Variants in NUP210L observed in about 807,000 individuals in gnomAD.
NUP210L encodes nucleoporin 210 like.
NUP210L carries 74 observed loss-of-function variants against 208.5 expected under a neutral mutation model. The ratio of observed to expected loss-of-function variants is 0.35; its 90% confidence interval spans 0.29 to 0.43. NUP210L has a LOEUF of 0.43. Among genes scored for constraint, NUP210L ranks in the 20% least tolerant of loss-of-function variants. The probability of loss-of-function intolerance (pLI) is 1.00; values close to 1 mark genes in which losing one functional copy is unlikely to be tolerated. For missense variants in NUP210L, 1,843 were observed against 2,289.4 expected (o/e 0.81, Z 3.98); for synonymous variants, 780 against 816.9 (o/e 0.95, Z 0.77).
At chr1:154,131,603 C>T (rs1345160985) in intron 7 of NUP210L, among the ~76,000 whole-genome samples, 1 of 151,634 alleles carries the variant, frequency 6.6e-6, no homozygotes, top group African/African-American at 2.4e-5. Flanking sequence ...CTTTTTCAAA[C>T]TTATTTGTTT....
intron 16 of NUP210L, among the ~76,000 whole-genome samples, chr1:154,087,292 C>G (rs1005414349): frequency 6.9e-6 from 1 of 145,530 alleles, no homozygotes; most frequent in Non-Finnish European, 1.5e-5. Flanking sequence ...TTCACTCCAG[C>G]CTGGGCGAAA....
Position 154,018,456 on chromosome 1 carries a change from C to A in NUP210L, c.4653+477G>T, listed in dbSNP as rs1025251106. Among the ~76,000 whole-genome samples the A allele has an allele frequency of 2.6e-5, 4 of 152,148 alleles. No individual in the cohort carries two copies. The South Asian group carries it at 8.3e-4, about 31-fold the overall frequency. On this transcript the variant is annotated intron_variant, in intron 33 of 39. Coordinates refer to ENST00000368559, the Ensembl canonical transcript of NUP210L. ...CAAGACTGTTCCACCTACAGTCTTC[C>A]CCATTTCAGTTGACGGTAATGCTGT...
chr1:154,108,778 A>G (rs1398204634), intron 12 of NUP210L, among the ~76,000 whole-genome samples: 1 of 151,718 alleles, frequency 6.6e-6, no homozygotes. Flanking sequence ...AAACTCTCCA[A>G]TCAAAAAAGA....
chr1:154,074,950 G>A (rs1398440873), intron 16 of NUP210L, among the ~76,000 whole-genome samples: 1 of 152,132 alleles, frequency 6.6e-6, no homozygotes, highest in Non-Finnish European at 1.5e-5. Context: ...TCAACCCTCT[G>A]CCATTATTTT....
intron 16 of NUP210L, among the ~76,000 whole-genome samples, chr1:154,071,659 A>G (rs1173024473): frequency 9.2e-6 from 1 of 108,854 alleles, no homozygotes; most frequent in Non-Finnish European, 1.7e-5. Flanking sequence ...TTTTTGAGAT[A>G]GAGTCTTGCT....
At chr1:154,088,168 T>C (rs879626101) in intron 16 of NUP210L, among the ~76,000 whole-genome samples, 33 of 151,978 alleles carry the variant, frequency 2.2e-4, no homozygotes, top group Admixed American at 6.6e-4. Context: ...CAAAACCCCA[T>C]CTCTACTAAA....
chr1:154,133,817 C>G (rs1658377003), intron 7 of NUP210L, among the ~76,000 whole-genome samples: 1 of 151,894 alleles, frequency 6.6e-6, no homozygotes, highest in Non-Finnish European at 1.5e-5. Context: ...CACTGCACTC[C>G]AGCCTGGGCA....
intron 37 of NUP210L, among the ~76,000 whole-genome samples, chr1:153,996,246 C>A (rs1205507992): frequency 6.6e-6 from 1 of 151,704 alleles, no homozygotes; most frequent in Non-Finnish European, 1.5e-5. Context: ...GAACCGAGAT[C>A]TCTCCACTGC....
At chr1:154,044,907 G>A (rs1022604687) in intron 27 of NUP210L, among the ~76,000 whole-genome samples, 1 of 151,978 alleles carries the variant, frequency 6.6e-6, no homozygotes, top group Non-Finnish European at 1.5e-5. Flanking sequence ...TCAGGTTTCA[G>A]TGTGAGGTTT....
chr1:154,129,905 A>G (rs1260243553), intron 7 of NUP210L, among the ~76,000 whole-genome samples: 2 of 152,212 alleles, frequency 1.3e-5, no homozygotes, highest in Non-Finnish European at 2.9e-5. Context: ...ACCTCATTCT[A>G]CCACTACCAT....
At chr1:154,050,085 G>A (rs1177967403) in intron 25 of NUP210L, among the ~76,000 whole-genome samples, 8 of 151,854 alleles carry the variant, frequency 5.3e-5, no homozygotes, top group African/African-American at 7.3e-5. Flanking sequence ...TACAAAATTC[G>A]ATTTCTTGCA....
At chr1:154,030,466 T>C (rs1486557089) in intron 27 of NUP210L, among the ~76,000 whole-genome samples, 2 of 151,902 alleles carry the variant, frequency 1.3e-5, no homozygotes, top group African/African-American at 4.8e-5. Flanking sequence ...CTCAGCTAAT[T>C]TTTGTCTTTT....
At chr1:154,122,353 G>T (rs2148107829) in intron 10 of NUP210L, among the ~76,000 whole-genome samples, 1 of 152,174 alleles carries the variant, frequency 6.6e-6, no homozygotes, top group East Asian at 1.9e-4. Flanking sequence ...CATTAGGATG[G>T]CTATTATTTA....
At chr1:154,155,073 C>T (rs114697636) in exon 1 of NUP210L, 2 of 1,528,066 alleles carry the variant, frequency 1.3e-6, no homozygotes, top group Non-Finnish European at 1.8e-6. Flanking sequence ...GGTTCCCGCT[C>T]AACTACAGCC....
At chr1:154,121,985 G>C (rs1051131141) in intron 10 of NUP210L, among the ~76,000 whole-genome samples, 1 of 151,826 alleles carries the variant, frequency 6.6e-6, no homozygotes, top group Admixed American at 6.6e-5. Flanking sequence ...ATAGAGAAAA[G>C]TCAATGAAAC....
chr1:154,022,187 G>A, exon 32 of NUP210L: 1 of 1,614,128 alleles, frequency 6.2e-7, no homozygotes, highest in South Asian at 1.1e-5. Context: ...TAAGCTTGGT[G>A]TCTGGCTCAA....
intron 17 of NUP210L, among the ~76,000 whole-genome samples, chr1:154,067,751 A>C (rs1355138530): frequency 6.6e-6 from 1 of 152,248 alleles, no homozygotes; most frequent in African/African-American, 2.4e-5. Context: ...GCAAAGTCTC[A>C]GGATATAAAA....
rs1298808572 is a variant in NUP210L at position 154,136,724 on chromosome 1, G to C, written c.851-752C>G. Among the ~76,000 whole-genome samples the C allele has an allele frequency of 2.0e-5, 3 of 151,688 alleles. No homozygotes were observed. The East Asian group carries it at 5.9e-4, about 30-fold the overall frequency. The stretch of plus-strand genomic sequence containing the variant: ...CCACGAGGTCAGGAGTTCGAGACCA[G>C]CCTGGGCAACATGGTGAAACCCCAT... On this transcript the variant is annotated intron_variant, in intron 6 of 39. Coordinates refer to ENST00000368559, the Ensembl canonical transcript of NUP210L.
exon 31 of NUP210L, chr1:154,023,289 C>T (rs529442080): frequency 6.8e-5 from 110 of 1,607,028 alleles, no homozygotes; most frequent in Admixed American, 4.2e-4. Context: ...GGTATGTCAC[C>T]GGTGCTACCT....
Sources: gnomAD v4.1 joint callset for allele counts (sites outside exome capture counted in the v4.1 genomes callset) on GRCh38, gnomAD v4.1.1 for gene constraint, MANE v1.5 for transcripts, NCBI Gene and HGNC (gene_info 2026-07-23, HGNC 2026-07-21) for gene names.